Variants in SYN3 observed in about 807,000 individuals in gnomAD.
The protein encoded by SYN3 is synapsin-3.
Under a neutral mutation model 65.8 loss-of-function variants are expected in SYN3, and 35 were observed. The ratio of observed to expected loss-of-function variants is 0.53; its 90% CI spans 0.41 to 0.70. The LOEUF is 0.70. Among genes scored for constraint, SYN3 ranks in the 30% least tolerant of loss-of-function variants. The probability of loss-of-function intolerance (pLI) is 0.00; values close to 1 mark genes in which losing one functional copy is unlikely to be tolerated. For synonymous variants in SYN3, 270 were observed against 292.9 expected (o/e 0.92, Z 0.80); for missense variants, 680 against 749.0 (o/e 0.91, Z 1.08).
intron 6 of SYN3, among the ~76,000 whole-genome samples, chr22:32,631,437 G>C (rs1401778106): frequency 6.6e-6 from 1 of 152,146 alleles, no homozygotes; most frequent in Non-Finnish European, 1.5e-5. Flanking sequence ...CCTCTGTATG[G>C]CTCTGCTTAA....
intron 6 of SYN3, among the ~76,000 whole-genome samples, chr22:32,615,050 G>A (rs985806774): frequency 6.6e-6 from 1 of 152,120 alleles, no homozygotes; most frequent in Admixed American, 6.5e-5. Flanking sequence ...GGAGCCGACA[G>A]TGGTGACACT....
chr22:32,945,271 C>T (rs1456537390), intron 3 of SYN3, among the ~76,000 whole-genome samples: 7 of 152,168 alleles, frequency 4.6e-5, no homozygotes, highest in African/African-American at 1.2e-4. Context: ...GGAGGCATCA[C>T]GCTACCTGAC....
chr22:32,583,161 T>G (rs906223130), intron 7 of SYN3: 3 of 152,290 alleles, frequency 2.0e-5, no homozygotes, highest in Non-Finnish European at 4.4e-5. Flanking sequence ...CTGCTTCCCC[T>G]ACCCCCAACA....
chr22:32,651,556 A>G (rs1344413250), intron 6 of SYN3, among the ~76,000 whole-genome samples: 3 of 151,336 alleles, frequency 2.0e-5, no homozygotes, highest in Non-Finnish European at 4.4e-5. Flanking sequence ...GAAGCCTTGG[A>G]TGCATGCTTG....
Position 33,039,237 on chromosome 22 carries a change from A to G in SYN3, c.-163+19055T>C, listed in dbSNP as rs73162097. Among the ~76,000 whole-genome samples the G allele has an allele frequency of 6.0e-3, 907 of 152,258 alleles. 8 individuals are homozygous for G. The highest frequency in any genetic ancestry group is 0.028 in the South Asian group (135 of 4,810). On this transcript the variant is annotated intron_variant, in intron 1 of 13. Transcript: ENST00000358763. ...CCGGGCAGTACGGTGTGGAGCCAGC[A>G]TTCAAATTTAGGTCTACTTAACCCT...
At chr22:32,845,095 A>G (rs1473613762) in intron 6 of SYN3, among the ~76,000 whole-genome samples, 1 of 152,148 alleles carries the variant, frequency 6.6e-6, no homozygotes, top group Non-Finnish European at 1.5e-5. Context: ...AGCAAAAGAA[A>G]TTCTAGAGAG....
At chr22:32,537,672 G>A (rs553446381) in intron 9 of SYN3, among the ~76,000 whole-genome samples, 1 of 152,186 alleles carries the variant, frequency 6.6e-6, no homozygotes, top group Non-Finnish European at 1.5e-5. Flanking sequence ...GAGCACAGGA[G>A]GGACTGGCCA....
rs771336570 is a variant in SYN3, at chr22:32,528,993, T to C, written c.1111A>G (p.Met371Val). The C allele has an allele frequency of 1.9e-6, 3 of 1,613,788 alleles. No individual in the cohort carries two copies. Among genetic ancestry groups the C allele is most frequent in the South Asian group, 1.1e-5 (1 of 91,088 alleles). Residue 371 changes from methionine to valine, a missense_variant, in exon 11 of 14, where the codon ATG becomes GTG. By Grantham distance (21) the Met-to-Val change is conservative (BLOSUM62 1). Coordinates refer to ENST00000358763, the MANE Select transcript of SYN3 (RefSeq NM_003490.4). The stretch of plus-strand genomic sequence containing the variant: ...TCCACATGCTCTCCAATCAGCGGCA[T>C]TGAGCTGTCCATTACCTGTGGGGAG... ...DYIIEVMDSS[M>V]PLIGEHVEED...
intron 6 of SYN3, among the ~76,000 whole-genome samples, chr22:32,678,666 T>TTCCTCC (rs139503635): frequency 1.3e-5 from 2 of 151,358 alleles, no homozygotes; most frequent in South Asian, 2.1e-4. Context: ...TCTCCTCTTC[T>TTCCTCC]TCCTCCTCCT....
At position 32,552,972 on chromosome 22, in the gene SYN3, A is replaced by G. The variant is rs111540769; in HGVS notation, c.775-11259T>C. Among the ~76,000 whole-genome samples the G allele has an allele frequency of 4.1e-4, 62 of 152,354 alleles. 1 individual carries two copies. The highest frequency in any genetic ancestry group is 1.5e-3 in the African/African-American group (62 of 41,586). ...GGAAGTCCTAGATCAAGGTGCTGGC[A>G]TGGTCAGGTTCTGGTGAGGCGCTCT... is the stretch of plus-strand genomic sequence containing the variant. On this transcript the variant is annotated intron_variant, in intron 7 of 13. Transcript: ENST00000358763.
At chr22:32,864,305 C>A (rs186190089) in intron 6 of SYN3, among the ~76,000 whole-genome samples, 4 of 152,274 alleles carry the variant, frequency 2.6e-5, no homozygotes, top group South Asian at 2.1e-4. Context: ...GCTCCTCCCC[C>A]CAACACTTTC....
rs908307638 is a variant in SYN3 at position 32,801,445 on chromosome 22, A to C, written c.711+63470T>G. On this transcript the variant is annotated intron_variant, in intron 6 of 13. Coordinates refer to ENST00000358763, the MANE Select transcript of SYN3 (RefSeq NM_003490.4). This position sits in a 1 kb window ranked among gnomAD's most constrained non-coding sequence, Gnocchi z 4.7. ...GGGGCACGAGGGCTCCGCTCCGAGG[A>C]CCCAGCGGCAAGCACCGGTCCCGGG... Among the ~76,000 whole-genome samples, 17 of 152,186 alleles carry C rather than the reference A, an allele frequency of 1.1e-4. No homozygotes were observed. The highest frequency in any genetic ancestry group is 4.1e-4 in the African/African-American group (17 of 41,446).
chr22:32,950,489 T>C (rs996265135), intron 3 of SYN3, among the ~76,000 whole-genome samples: 1 of 152,162 alleles, frequency 6.6e-6, no homozygotes, highest in Non-Finnish European at 1.5e-5. Flanking sequence ...GATACTATCT[T>C]TAAGCATTCA....
intron 4 of SYN3, among the ~76,000 whole-genome samples, chr22:32,869,367 T>TCTCTCTCTCTCTCTCTCTCTCTCTCA (rs61464794): frequency 1.9e-4 from 27 of 142,470 alleles, no homozygotes; most frequent in African/African-American, 5.3e-4. Context: ...TCTCTCTCTC[T>TCTCTCTCTCTCTCTCTCTCTCTCTCA]CACAGGCTCT....
intron 7 of SYN3, among the ~76,000 whole-genome samples, chr22:32,544,560 T>G (rs1284684028): frequency 6.6e-6 from 1 of 152,244 alleles, no homozygotes. Context: ...GCGTTGACCC[T>G]CTGTAGCACC....
intron 3 of SYN3, among the ~76,000 whole-genome samples, chr22:32,949,511 C>T (rs58746144): frequency 0.012 from 1,758 of 152,154 alleles, 43 homozygotes; most frequent in African/African-American, 0.04. Flanking sequence ...TAATTAAACT[C>T]GTGTCCAGTT....
intron 2 of SYN3, among the ~76,000 whole-genome samples, chr22:32,993,690 G>A (rs1469723598): frequency 2.0e-5 from 3 of 152,020 alleles, no homozygotes; most frequent in African/African-American, 7.3e-5. Flanking sequence ...CAACACAGAG[G>A]GTGTAGATGG....
At chr22:32,785,266 C>T (rs2046164951) in intron 6 of SYN3, among the ~76,000 whole-genome samples, 1 of 152,174 alleles carries the variant, frequency 6.6e-6, no homozygotes, top group Non-Finnish European at 1.5e-5. Flanking sequence ...GTCTTTGACA[C>T]TTGGCCCAGG....
chr22:32,658,681 T>G (rs2060175680), intron 6 of SYN3, among the ~76,000 whole-genome samples: 1 of 152,034 alleles, frequency 6.6e-6, no homozygotes, highest in South Asian at 2.1e-4. Flanking sequence ...GACAATGGGA[T>G]TTAGGGTGAA....
Sources: allele counts gnomAD v4.1 joint callset (sites outside exome capture counted in the v4.1 genomes callset), GRCh38; gene constraint gnomAD v4.1.1; non-coding constraint Gnocchi (gnomAD v3.1); transcripts MANE v1.5; gene names NCBI Gene and HGNC (gene_info 2026-07-23, HGNC 2026-07-21).